Variants in ASIC2 observed in about 807,000 individuals in gnomAD.
ASIC2 encodes acid-sensing ion channel 2.
Under a neutral mutation model 57.3 loss-of-function variants are expected in ASIC2, and 25 were observed. That is an observed-to-expected ratio of 0.44 (90% confidence interval 0.32 to 0.61). The LOEUF (loss-of-function observed/expected upper bound fraction) is 0.61, where lower values mean the gene tolerates loss of function less well. Among genes scored for constraint, ASIC2 ranks in the 20% least tolerant of loss-of-function variants. ASIC2 has a pLI of 0.06. For synonymous variants in ASIC2, 319 were observed against 307.5 expected (o/e 1.04, Z -0.39); for missense variants, 641 against 738.1 (o/e 0.87, Z 1.52).
chr17:33,426,073 T>G (rs1422211318), intron 1 of ASIC2, among the ~76,000 whole-genome samples: 2 of 152,196 alleles, frequency 1.3e-5, no homozygotes, highest in East Asian at 3.9e-4. Flanking sequence ...CCAGGGCACC[T>G]GACTAGTGCC....
intron 1 of ASIC2, among the ~76,000 whole-genome samples, chr17:33,225,501 C>T (rs1165308531): frequency 2.0e-5 from 3 of 152,218 alleles, no homozygotes; most frequent in African/African-American, 7.2e-5. Context: ...CAATGCCCCA[C>T]AAATACAAAA....
chr17:33,749,354 C>T (rs558481416), intron 1 of ASIC2, among the ~76,000 whole-genome samples: 4 of 151,792 alleles, frequency 2.6e-5, no homozygotes, highest in African/African-American at 4.8e-5. Context: ...AGGAGAGCGG[C>T]GAGGCGTTCT....
chr17:33,143,440 A>G (rs1904412438), intron 1 of ASIC2, among the ~76,000 whole-genome samples: 1 of 152,196 alleles, frequency 6.6e-6, no homozygotes, highest in Admixed American at 6.5e-5. Context: ...GTACCATGAG[A>G]GTTGCTTTTG....
chr17:33,118,020 G>A (rs1383060861), intron 1 of ASIC2, among the ~76,000 whole-genome samples: 1 of 152,182 alleles, frequency 6.6e-6, no homozygotes, highest in Non-Finnish European at 1.5e-5. Context: ...GAAGCCCAGG[G>A]TAGCCAATGG....
intron 1 of ASIC2, among the ~76,000 whole-genome samples, chr17:33,809,854 A>T (rs1383865207): frequency 1.3e-5 from 2 of 152,236 alleles, no homozygotes; most frequent in Non-Finnish European, 1.5e-5. Context: ...ATCACAGCAC[A>T]TATTCCTGCT....
chr17:33,065,933 T>G (rs2092041740), intron 3 of ASIC2, among the ~76,000 whole-genome samples: 1 of 152,158 alleles, frequency 6.6e-6, no homozygotes, highest in Non-Finnish European at 1.5e-5. Flanking sequence ...TATGAGATCC[T>G]ACAGTGATAA....
chr17:33,818,616 G>A (rs1320456676), intron 1 of ASIC2, among the ~76,000 whole-genome samples: 1 of 152,178 alleles, frequency 6.6e-6, no homozygotes, highest in Non-Finnish European at 1.5e-5. Flanking sequence ...AAGTGACACA[G>A]GCATCTAATG....
chr17:34,077,058 G>C lies in ASIC2; in HGVS notation c.555+78920C>G, dbSNP rs374544725. ...CTAAGGAGGTGAACCCCAGAGAAGTGATGTAATTTGCCCAAGATGGTCCTG... is the reference window on the plus strand; with the variant it reads ...CTAAGGAGGTGAACCCCAGAGAAGTCATGTAATTTGCCCAAGATGGTCCTG... On this transcript the variant is annotated intron_variant, in intron 1 of 9. Transcript: ENST00000359872. Among the ~76,000 whole-genome samples, 4 of 152,362 alleles carry C rather than the reference G, an allele frequency of 2.6e-5. No homozygotes were observed. In the East Asian group the frequency reaches 5.8e-4, roughly 22 times the overall value.
In ASIC2 at chr17:33,464,526, TTC is replaced by T. The variant is rs1244772935; in HGVS notation, c.556-352461_556-352460del. Among the ~76,000 whole-genome samples the T allele has an allele frequency of 2.2e-3, 86 of 39,164 alleles. 4 individuals are homozygous for T. The highest frequency in any genetic ancestry group is 8.2e-3 in the African/African-American group (81 of 9,872). The allele number at this position is 39,164 out of a possible 152,430, so 25.7% of individuals were successfully genotyped here. A position where few individuals can be genotyped will look rare whatever the true frequency, so the allele number is the denominator to read the frequency against. On this transcript the variant is annotated intron_variant, in intron 1 of 9. Transcript: ENST00000359872. ...TTTCTTTCTTTCTTTCTTTCTTTCT[TTC>T]TTTCTTTCTTTCTCTTTCTTTCTTT...
At chr17:33,389,971 T>C (rs756434723) in intron 1 of ASIC2, among the ~76,000 whole-genome samples, 1 of 152,134 alleles carries the variant, frequency 6.6e-6, no homozygotes, top group Non-Finnish European at 1.5e-5. Flanking sequence ...AATCACGGCC[T>C]GCTGAGGCCC....
chr17:33,859,111 C>G (rs969313730), intron 1 of ASIC2, among the ~76,000 whole-genome samples: 1 of 152,180 alleles, frequency 6.6e-6, no homozygotes, highest in Admixed American at 6.5e-5. Flanking sequence ...TGTCCACACA[C>G]ATAAATCTCA....
intron 1 of ASIC2, among the ~76,000 whole-genome samples, chr17:33,210,025 A>G (rs1188277624): frequency 6.6e-6 from 1 of 152,216 alleles, no homozygotes; most frequent in Non-Finnish European, 1.5e-5. Flanking sequence ...GAGGGAAAAG[A>G]GACAGAGTGC....
chr17:33,308,654 G>A (rs1906279949), intron 1 of ASIC2, among the ~76,000 whole-genome samples: 1 of 152,174 alleles, frequency 6.6e-6, no homozygotes, highest in Non-Finnish European at 1.5e-5. Context: ...AGGGAGGTAG[G>A]AGGATAGACA....
intron 4 of ASIC2, 108 bp downstream of exon 4, chr17:33,028,133 CT>C: frequency 3.5e-6 from 5 of 1,423,722 alleles, no homozygotes; most frequent in Non-Finnish European, 4.8e-6. Flanking sequence ...GAACATCATC[CT>C]TTTGGATCCC....
intron 1 of ASIC2, among the ~76,000 whole-genome samples, chr17:33,420,245 A>T (rs1910999416): frequency 6.6e-6 from 1 of 152,126 alleles, no homozygotes; most frequent in Non-Finnish European, 1.5e-5. Context: ...TTTGGGGAGG[A>T]AGTGGGAAAG....
At chr17:33,199,667 T>G (rs538914573) in intron 1 of ASIC2, among the ~76,000 whole-genome samples, 1 of 152,174 alleles carries the variant, frequency 6.6e-6, no homozygotes, top group Non-Finnish European at 1.5e-5. Flanking sequence ...GTAAACACAT[T>G]TCTAGCTTCA....
rs78601616 is a variant in ASIC2 at position 33,766,042 on chromosome 17, G to A, written c.555+389936C>T. Among the ~76,000 whole-genome samples, 527 of 152,278 alleles carry A rather than the reference G, an allele frequency of 3.5e-3. 6 individuals carry two copies. Among genetic ancestry groups the A allele is most frequent in the African/African-American group, 0.012 (501 of 41,548 alleles). On this transcript the variant is annotated intron_variant, in intron 1 of 9. Transcript: ENST00000359872. Reference sequence around the variant, plus strand: ...TTGTCTTGCCATTGCAGGTGGCTTAGCATATAATGGTCCCTCTTTATTGGA... The same window carrying A: ...TTGTCTTGCCATTGCAGGTGGCTTAACATATAATGGTCCCTCTTTATTGGA...
intron 1 of ASIC2, among the ~76,000 whole-genome samples, chr17:33,128,765 A>G (rs1053067608): frequency 2.0e-5 from 3 of 152,198 alleles, no homozygotes; most frequent in Admixed American, 2.0e-4. Context: ...GAGTGAAGCA[A>G]TGTCAGCTAC....
intron 1 of ASIC2, among the ~76,000 whole-genome samples, chr17:33,728,702 A>T (rs1909641187): frequency 6.6e-6 from 1 of 152,180 alleles, no homozygotes; most frequent in Admixed American, 6.5e-5. Context: ...AATCAGGGGA[A>T]TAAGTTATAG....
Sources: allele counts gnomAD v4.1 joint callset (sites outside exome capture counted in the v4.1 genomes callset), GRCh38; gene constraint gnomAD v4.1.1; transcripts MANE v1.5; gene names NCBI Gene and HGNC (gene_info 2026-07-23, HGNC 2026-07-21).